TOGARAM2: variants seen among roughly 807,000 people sequenced by gnomAD.
TOGARAM2 encodes TOG array regulator of axonemal microtubules 2.
Under a neutral mutation model 93.3 loss-of-function variants are expected in TOGARAM2, and 85 were observed. The ratio of observed to expected loss-of-function variants is 0.91; its 90% CI spans 0.76 to 1.09. TOGARAM2 has a LOEUF of 1.09. Ranked by LOEUF, TOGARAM2 falls within the 50% of genes least tolerant of loss-of-function variation. The pLI, the probability that TOGARAM2 is intolerant of heterozygous loss-of-function variation, is 0.00. For missense variants in TOGARAM2, 1,277 were observed against 1,334.5 expected, an observed-to-expected ratio of 0.96 and a Z score of 0.67; for synonymous variants, 593 against 552.8, an observed-to-expected ratio of 1.07 and a Z score of -1.02.
At chr2:29,013,910 C>T (rs1020938307) in intron 7 of TOGARAM2, among the ~76,000 whole-genome samples, 3 of 152,198 alleles carry the variant, frequency 2.0e-5, no homozygotes, top group Non-Finnish European at 4.4e-5. Context: ...TCAGCTTTTC[C>T]GTCTGTGAAA....
chr2:28,965,411 T>C (rs967805414), intron 1 of TOGARAM2, among the ~76,000 whole-genome samples: 3 of 152,212 alleles, frequency 2.0e-5, no homozygotes, highest in Non-Finnish European at 4.4e-5. Flanking sequence ...ATTGGCTTGT[T>C]GTTAGCCCTG....
intron 11 of TOGARAM2, 25 bp from the exon 12 acceptor site, chr2:29,023,061 A>G (rs907802000): frequency 1.9e-6 from 3 of 1,565,358 alleles, no homozygotes; most frequent in Non-Finnish European, 2.6e-6. Context: ...ACCCTTCTGC[A>G]ACAGGGCCTG....
intron 1 of TOGARAM2, among the ~76,000 whole-genome samples, chr2:28,974,697 T>C (rs1170036993): frequency 6.6e-6 from 1 of 152,080 alleles, no homozygotes; most frequent in Non-Finnish European, 1.5e-5. Context: ...CACTAAAGCC[T>C]CTGCCTCCCT....
At chr2:29,001,028 T>C (rs1428101485) in intron 4 of TOGARAM2, among the ~76,000 whole-genome samples, 1 of 152,190 alleles carries the variant, frequency 6.6e-6, no homozygotes, top group Non-Finnish European at 1.5e-5. Context: ...CAGTGACCTA[T>C]AGACTTATCA....
At chr2:28,977,033 T>C (rs572140143), upstream of TOGARAM2, among the ~76,000 whole-genome samples, 144 of 151,138 alleles carry the variant, frequency 9.5e-4, no homozygotes, top group African/African-American at 3.4e-3. Context: ...GCGTGGCCTG[T>C]GAAGGGATGG....
intron 1 of TOGARAM2, 108 bp from the exon 2 acceptor site, chr2:28,994,617 C>T (rs1025894468): frequency 4.1e-5 from 18 of 433,926 alleles, no homozygotes; most frequent in Middle Eastern, 3.1e-4. Flanking sequence ...GTTTAGTGGC[C>T]GATTTCTTCA....
chr2:28,999,147 C>A lies in TOGARAM2; in HGVS notation c.140-34C>A, dbSNP rs552365744. 5.4e-5 allele frequency: 84 copies of A among 1,567,746 alleles called. No homozygotes were observed. The East Asian group carries it at 1.6e-3, about 30-fold the overall frequency. On this transcript the variant is annotated intron_variant, in intron 3 of 19. Coordinates refer to ENST00000379558, the MANE Select transcript of TOGARAM2 (RefSeq NM_199280.4). ...GTGCCTGGTGCCACCCTGGGTACTG[C>A]GTGCCAAGCCATTCACACCTCTGTC...
chr2:29,001,374 G>T (rs535360327), intron 4 of TOGARAM2, among the ~76,000 whole-genome samples: 15 of 151,266 alleles, frequency 9.9e-5, no homozygotes, highest in East Asian at 1.9e-4. Flanking sequence ...ACAGAGTCTC[G>T]CTCTGTCACC....
intron 8 of TOGARAM2, among the ~76,000 whole-genome samples, chr2:29,015,281 T>C (rs1443881692): frequency 1.3e-5 from 2 of 152,194 alleles, no homozygotes; most frequent in Admixed American, 1.3e-4. Context: ...CGAAACGAGC[T>C]GATCCTCCAC....
At chr2:29,032,065 TA>T (rs1469671093) in intron 14 of TOGARAM2, among the ~76,000 whole-genome samples, 1 of 152,200 alleles carries the variant, frequency 6.6e-6, no homozygotes, top group Non-Finnish European at 1.5e-5. Flanking sequence ...GGCCTCCTAA[TA>T]AGTCTCCTGG....
At chr2:29,002,881 G>A (rs1404592221) in intron 5 of TOGARAM2, 134 bp downstream of exon 5, 32 of 811,160 alleles carry the variant, frequency 3.9e-5, no homozygotes, top group Non-Finnish European at 5.9e-5. Context: ...GGTCTGCAGT[G>A]AGGATAGGGA....
At chr2:28,985,702 A>T (rs949381200) in intron 1 of TOGARAM2, among the ~76,000 whole-genome samples, 2 of 152,212 alleles carry the variant, frequency 1.3e-5, no homozygotes, top group African/African-American at 4.8e-5. Flanking sequence ...TTCCTTTGTG[A>T]ATTAGAAAAA....
At chr2:28,989,437 G>A (rs370003876) in intron 1 of TOGARAM2, among the ~76,000 whole-genome samples, 25 of 150,540 alleles carry the variant, frequency 1.7e-4, no homozygotes, top group East Asian at 1.4e-3. Context: ...GGTCTTTGTC[G>A]CCCAGACTGG....
Position 29,045,369 on chromosome 2 carries a change from T to C in TOGARAM2, c.2681T>C (p.Leu894Pro). The C allele has an allele frequency of 6.2e-7, 1 of 1,613,782 alleles. No homozygotes were observed. The highest frequency in any genetic ancestry group is 8.5e-7 in the Non-Finnish European group (1 of 1,179,874). The change falls in exon 19 of 20, where the codon CTG (leucine) becomes CCG (proline). Residue 894 changes from leucine to proline, a missense_variant. Coordinates refer to ENST00000379558, the MANE Select transcript of TOGARAM2 (RefSeq NM_199280.4). ...LPALAGRVRF[L>P]SGRAVLDVTD... is the part of the protein sequence containing the mutation. ...GCGCTTGCTGGGCGAGTGCGTTTCC[T>C]GAGTGGCCGTGCGGTGCTGGATGTC... is the stretch of plus-strand genomic sequence containing the variant.
At chr2:28,959,228 A>G (rs1671766000) in intron 1 of TOGARAM2, among the ~76,000 whole-genome samples, 1 of 152,186 alleles carries the variant, frequency 6.6e-6, no homozygotes, top group Non-Finnish European at 1.5e-5. Context: ...GTTGCTGAGC[A>G]TAGGAAGCTT....
chr2:29,001,387 G>A (rs1431275259), intron 4 of TOGARAM2, among the ~76,000 whole-genome samples: 1 of 151,820 alleles, frequency 6.6e-6, no homozygotes, highest in African/African-American at 2.4e-5. Context: ...CTGTCACCCA[G>A]GCTGGAGTGC....
At chr2:28,961,692 G>A (rs1199023717) in intron 1 of TOGARAM2, among the ~76,000 whole-genome samples, 2 of 152,152 alleles carry the variant, frequency 1.3e-5, no homozygotes, top group Non-Finnish European at 1.5e-5. Flanking sequence ...AGGTCAATGA[G>A]TTTCAACAAA....
chr2:28,997,263 G>T lies in TOGARAM2; in HGVS notation c.29-880G>T, dbSNP rs117388978. ...CAAACAACTCAGTAACAAAAACAGA[G>T]AATCTGCTTTAAAAACTGGCAAAAG... is the stretch of plus-strand genomic sequence containing the variant. On this transcript the variant is annotated intron_variant, in intron 2 of 19. Coordinates refer to ENST00000379558, the MANE Select transcript of TOGARAM2 (RefSeq NM_199280.4). Among the ~76,000 whole-genome samples the T allele has an allele frequency of 1.2e-3, 184 of 152,298 alleles. 3 individuals are homozygous for T. In the East Asian group the frequency reaches 0.028, roughly 23 times the overall value.
At chr2:29,045,250 G>T in intron 18 of TOGARAM2, 74 bp from the exon 19 acceptor site, 1 of 1,204,046 alleles carries the variant, frequency 8.3e-7, no homozygotes, top group Non-Finnish European at 1.2e-6. Flanking sequence ...CTGTGGGTAT[G>T]TGGCCCTGCA....
Sources: allele counts gnomAD v4.1 joint callset (sites outside exome capture counted in the v4.1 genomes callset), GRCh38; gene constraint gnomAD v4.1.1; transcripts MANE v1.5; gene names NCBI Gene and HGNC (gene_info 2026-07-23, HGNC 2026-07-21).